Variants in STAG1 observed in about 807,000 individuals in gnomAD.
The protein encoded by STAG1 is cohesin subunit SA-1.
STAG1 carries 26 observed loss-of-function variants against 170.9 expected under a neutral mutation model. The observed-to-expected ratio is 0.15, with a 90% confidence interval of 0.11 to 0.21. STAG1 has a LOEUF of 0.21. STAG1 is among the 10% of genes least tolerant of loss of function. The pLI is 1.00. For missense variants in STAG1, 964 were observed against 1,509.5 expected, an observed-to-expected ratio of 0.64 and a Z score of 5.99; for synonymous variants, 514 against 497.7, an observed-to-expected ratio of 1.03 and a Z score of -0.44.
At chr3:136,668,716 C>T (rs1440392474) in intron 1 of STAG1, among the ~76,000 whole-genome samples, 5 of 151,950 alleles carry the variant, frequency 3.3e-5, no homozygotes, top group South Asian at 4.1e-4. Context: ...ATGGTCAGAC[C>T]GTAGTATCTA....
chr3:136,600,856 T>C (rs1938631686), intron 4 of STAG1, among the ~76,000 whole-genome samples: 1 of 106,912 alleles, frequency 9.4e-6, no homozygotes, highest in South Asian at 3.4e-4. Context: ...TTTCTTGTTG[T>C]TGTTTGTTTG....
chr3:136,451,941 G>T, intron 14 of STAG1, 92 bp downstream of exon 14: 1 of 811,456 alleles, frequency 1.2e-6, no homozygotes, highest in Non-Finnish European at 1.9e-6. Context: ...AAACAGACTT[G>T]TTTTTATTTG....
At chr3:136,736,993 G>T in intron 1 of STAG1, 1 of 1,593,820 alleles carries the variant, frequency 6.3e-7, no homozygotes, top group Non-Finnish European at 8.6e-7. Context: ...ATTTTTGTCA[G>T]GATGCACCAA....
intron 4 of STAG1, among the ~76,000 whole-genome samples, chr3:136,581,172 G>T (rs1349901486): frequency 6.6e-6 from 1 of 152,048 alleles, no homozygotes; most frequent in Non-Finnish European, 1.5e-5. Flanking sequence ...TTTTAACTTA[G>T]TTATGTTATT....
rs564824048 is a variant in STAG1 at position 136,656,597 on chromosome 3, C to T, written c.-83-25616G>A. Among the ~76,000 whole-genome samples the T allele has an allele frequency of 1.2e-4, 13 of 107,048 alleles. No individual in the cohort carries two copies. The South Asian group carries it at 3.3e-3, about 27-fold the overall frequency. 70.2% of individuals were successfully genotyped at this position (107,048 alleles called of 152,430 possible). On this transcript the variant is annotated intron_variant, in intron 1 of 33. Transcript: ENST00000383202. Reference sequence around the variant, plus strand: ...ATATATAAGAACACATACAAATAAACGTGTGCTCTCTGTATTTATTTGTGT... The same window carrying T: ...ATATATAAGAACACATACAAATAAATGTGTGCTCTCTGTATTTATTTGTGT...
At chr3:136,375,035 G>T (rs1937523667) in intron 23 of STAG1, among the ~76,000 whole-genome samples, 1 of 152,100 alleles carries the variant, frequency 6.6e-6, no homozygotes, top group South Asian at 2.1e-4. Flanking sequence ...AGCCTAAGAG[G>T]AATAGGCCAT....
intron 22 of STAG1, among the ~76,000 whole-genome samples, chr3:136,389,289 T>TTATGC (rs954016808): frequency 2.0e-5 from 3 of 151,824 alleles, no homozygotes; most frequent in African/African-American, 7.2e-5. Context: ...TGAGAAGGCC[T>TTATGC]TATGCTTTAT....
intron 1 of STAG1, among the ~76,000 whole-genome samples, chr3:136,650,249 A>AG (rs1372104041): frequency 8.8e-4 from 133 of 151,778 alleles, no homozygotes; most frequent in African/African-American, 3.0e-3. Flanking sequence ...AAAAAAAAAA[A>AG]AGAGAGAGAG....
intron 16 of STAG1, among the ~76,000 whole-genome samples, chr3:136,430,547 C>T (rs1384252088): frequency 2.7e-5 from 4 of 150,184 alleles, no homozygotes; most frequent in African/African-American, 9.8e-5. Flanking sequence ...AATTTTTTGG[C>T]TTCCCTGGGC....
chr3:136,410,085 A>AAAG (rs2087583795), intron 21 of STAG1, among the ~76,000 whole-genome samples: 1 of 151,424 alleles, frequency 6.6e-6, no homozygotes, highest in Non-Finnish European at 1.5e-5. Context: ...AAAAAAAAAA[A>AAAG]AAAAAGATAA....
At chr3:136,612,437 C>A (rs1459652529) in intron 3 of STAG1, among the ~76,000 whole-genome samples, 4 of 151,402 alleles carry the variant, frequency 2.6e-5, no homozygotes, top group Admixed American at 2.6e-4. Context: ...AAGACTCCTT[C>A]TCTACAAAAA....
At chr3:136,666,208 A>G (rs923565470) in intron 1 of STAG1, among the ~76,000 whole-genome samples, 25 of 151,898 alleles carry the variant, frequency 1.6e-4, no homozygotes, top group African/African-American at 6.0e-4. Flanking sequence ...ACAAGCACTT[A>G]GAAATCAATT....
At chr3:136,517,155 T>A (rs925645317) in intron 7 of STAG1, among the ~76,000 whole-genome samples, 3 of 152,024 alleles carry the variant, frequency 2.0e-5, no homozygotes, top group African/African-American at 7.3e-5. Flanking sequence ...CCCTCAGGAG[T>A]CTGAGAGTGA....
At chr3:136,354,452 C>A (rs557301643) in intron 28 of STAG1, among the ~76,000 whole-genome samples, 95 of 152,068 alleles carry the variant, frequency 6.2e-4, no homozygotes, top group African/African-American at 2.2e-3. Context: ...CAGGCATGTG[C>A]CACCATGCCC....
At chr3:136,734,510 G>A (rs1934228044) in intron 1 of STAG1, among the ~76,000 whole-genome samples, 1 of 152,058 alleles carries the variant, frequency 6.6e-6, no homozygotes, top group Admixed American at 6.6e-5. Flanking sequence ...GAAAATAAAG[G>A]GACTCCCCTG....
chr3:136,478,795 T>G (rs889057322), intron 9 of STAG1, among the ~76,000 whole-genome samples: 6 of 152,160 alleles, frequency 3.9e-5, no homozygotes, highest in African/African-American at 1.2e-4. Flanking sequence ...CTTTTTCTCA[T>G]GGAGAGGCTG....
chr3:136,361,549 T>C (rs375771035), intron 26 of STAG1, among the ~76,000 whole-genome samples: 32 of 152,310 alleles, frequency 2.1e-4, no homozygotes, highest in East Asian at 1.3e-3. Context: ...TCTTTGTCAA[T>C]CATTTTCATT....
intron 4 of STAG1, among the ~76,000 whole-genome samples, chr3:136,598,186 A>C (rs1418746608): frequency 6.6e-6 from 1 of 152,004 alleles, no homozygotes; most frequent in African/African-American, 2.4e-5. Flanking sequence ...GGTTTAGTTG[A>C]CCTTCTTTAA....
chr3:136,736,693 T>C (rs1361729939), intron 1 of STAG1: 2 of 1,603,868 alleles, frequency 1.2e-6, no homozygotes, highest in Non-Finnish European at 8.5e-7. Context: ...TGTCGTTTCC[T>C]TTCAGCATCT....
Sources: allele counts gnomAD v4.1 joint callset (sites outside exome capture counted in the v4.1 genomes callset), GRCh38; gene constraint gnomAD v4.1.1; transcripts MANE v1.5; gene names NCBI Gene and HGNC (gene_info 2026-07-23, HGNC 2026-07-21).